The following SLC60A1 variants were observed in gnomAD, a reference collection of about 807,000 sequenced individuals.
SLC60A1 encodes the protein solute carrier family 60 member 1, also known as major facilitator superfamily domain containing 4.
the SLC60A1 span, among the ~76,000 whole-genome samples, chr1:205,588,149 A>G: frequency 6.6e-6 from 1 of 152,156 alleles, no homozygotes; most frequent in African/African-American, 2.4e-5. Flanking sequence ...CAAATACATT[A>G]GATTCACTGG....
chr1:205,592,431 G>A, the SLC60A1 span: 4 of 894,172 alleles, frequency 4.5e-6, no homozygotes, highest in South Asian at 9.6e-5. Flanking sequence ...TGTGCACAAC[G>A]TGCAGGTTTG....
the SLC60A1 span, among the ~76,000 whole-genome samples, chr1:205,580,164 C>T: frequency 4.1e-3 from 628 of 152,314 alleles, 7 homozygotes; most frequent in African/African-American, 0.014. The surrounding 1 kb of genome is among the most constrained non-coding windows in gnomAD (Gnocchi z 5.0). Context: ...AAAGAAAGCT[C>T]TTTGCGAACT....
At chr1:205,592,612 C>T in the SLC60A1 span, among the ~76,000 whole-genome samples, 1 of 151,960 alleles carries the variant, frequency 6.6e-6, no homozygotes, top group African/African-American at 2.4e-5. Flanking sequence ...CCAGCGAGAA[C>T]GCTGCCCTAG....
At chr1:205,589,972 A>T in the SLC60A1 span, among the ~76,000 whole-genome samples, 5 of 152,230 alleles carry the variant, frequency 3.3e-5, no homozygotes, top group Non-Finnish European at 7.3e-5. Context: ...TAAGGAAAGG[A>T]GGAATCAAGG....
chr1:205,571,494 G>A, the SLC60A1 span, among the ~76,000 whole-genome samples: 1 of 152,098 alleles, frequency 6.6e-6, no homozygotes, highest in African/African-American at 2.4e-5. Context: ...TTTTTGGGGT[G>A]GGGTAGATCC....
the SLC60A1 span, among the ~76,000 whole-genome samples, chr1:205,581,603 T>C: frequency 1.3e-5 from 2 of 151,486 alleles, no homozygotes; most frequent in African/African-American, 4.8e-5. This position sits in a 1 kb window ranked among gnomAD's most constrained non-coding sequence, Gnocchi z 4.2. Flanking sequence ...TCCACCTGGG[T>C]TGGGGAGGAC....
At chr1:205,591,091 A>G in the SLC60A1 span, among the ~76,000 whole-genome samples, 1 of 152,254 alleles carries the variant, frequency 6.6e-6, no homozygotes, top group Non-Finnish European at 1.5e-5. Context: ...CATCTTGCAC[A>G]GAAGTGACTC....
chr1:205,594,475 G>A, the SLC60A1 span, among the ~76,000 whole-genome samples: 1 of 152,112 alleles, frequency 6.6e-6, no homozygotes, highest in East Asian at 1.9e-4. Context: ...GGCCAACACA[G>A]TGAAACCCCA....
the SLC60A1 span, chr1:205,599,239 G>C: frequency 3.7e-6 from 6 of 1,613,892 alleles, no homozygotes; most frequent in Non-Finnish European, 5.1e-6. Flanking sequence ...GATGCACCCT[G>C]GACTCCCATC....
chr1:205,581,190 C>T, the SLC60A1 span, among the ~76,000 whole-genome samples: 2 of 152,260 alleles, frequency 1.3e-5, no homozygotes, highest in Non-Finnish European at 2.9e-5. This position sits in a 1 kb window ranked among gnomAD's most constrained non-coding sequence, Gnocchi z 4.2. Flanking sequence ...TTCGAATTAT[C>T]TGAGGTTCTG....
the SLC60A1 span, chr1:205,579,982 C>G: frequency 1.3e-6 from 2 of 1,596,754 alleles, no homozygotes; most frequent in Non-Finnish European, 1.7e-6. Context: ...GGGCTGGGAG[C>G]TGGGGAGGGC....
the SLC60A1 span, chr1:205,592,345 G>C: frequency 1.3e-6 from 2 of 1,516,096 alleles, no homozygotes; most frequent in Non-Finnish European, 1.8e-6. Context: ...CCGCCGCCTC[G>C]CTCTGCCCTG....
At chr1:205,569,238 T>G in the SLC60A1 span, 7 of 1,570,064 alleles carry the variant, frequency 4.5e-6, no homozygotes, top group Admixed American at 1.8e-5. Context: ...CTCCTGGGTC[T>G]TCTTCTCGCA....
the SLC60A1 span, among the ~76,000 whole-genome samples, chr1:205,574,171 G>T: frequency 6.6e-6 from 1 of 151,740 alleles, no homozygotes; most frequent in African/African-American, 2.4e-5. Context: ...TCAAAGCCAG[G>T]TTCGGTGGCT....
At chr1:205,585,965 G>T in the SLC60A1 span, 2 of 1,487,396 alleles carry the variant, frequency 1.3e-6, no homozygotes, top group Non-Finnish European at 9.0e-7. The surrounding 1 kb of genome is among the most constrained non-coding windows in gnomAD (Gnocchi z 4.2). Flanking sequence ...CCCAGCCTGG[G>T]CTCCCTTTGT....
the SLC60A1 span, among the ~76,000 whole-genome samples, chr1:205,595,571 G>A: frequency 4.3e-5 from 6 of 138,990 alleles, no homozygotes; most frequent in Admixed American, 1.4e-4. Flanking sequence ...GTAAGAGCAC[G>A]GGCTGTGCAG....
the SLC60A1 span, among the ~76,000 whole-genome samples, chr1:205,576,387 C>T: frequency 6.6e-6 from 1 of 152,310 alleles, no homozygotes; most frequent in African/African-American, 2.4e-5. Context: ...TGAAATGTCA[C>T]ATCACATGGA....
At chr1:205,592,555 C>T in the SLC60A1 span, among the ~76,000 whole-genome samples, 1 of 151,914 alleles carries the variant, frequency 6.6e-6, no homozygotes, top group Non-Finnish European at 1.5e-5. Flanking sequence ...CACAACTGTC[C>T]CAGGTGTGTG....
At chr1:205,590,927 G>A in the SLC60A1 span, among the ~76,000 whole-genome samples, 2 of 152,094 alleles carry the variant, frequency 1.3e-5, no homozygotes, top group African/African-American at 2.4e-5. Flanking sequence ...TCTTTAGTGT[G>A]GCTTTTGTAA....
Sources: gnomAD v4.1 joint callset for allele counts (sites outside exome capture counted in the v4.1 genomes callset) on GRCh38, gnomAD v4.1.1 for gene constraint, Gnocchi (gnomAD v3.1) non-coding constraint, MANE v1.5 for transcripts, NCBI Gene and HGNC (gene_info 2026-07-23, HGNC 2026-07-21) for gene names.